ORC3: variants seen among roughly 807,000 people sequenced by gnomAD.
The protein encoded by ORC3 is origin recognition complex subunit 3.
Under a neutral mutation model 100.7 loss-of-function variants are expected in ORC3, and 78 were observed. The ratio of observed to expected loss-of-function variants is 0.77; its 90% CI spans 0.65 to 0.94. The LOEUF is 0.94. Among genes scored for constraint, ORC3 ranks in the 40% least tolerant of loss-of-function variants. ORC3 has a pLI of 0.00. For missense variants in ORC3, 789 were observed against 823.9 expected, an observed-to-expected ratio of 0.96 and a Z score of 0.52; for synonymous variants, 295 against 289.3, an observed-to-expected ratio of 1.02 and a Z score of -0.20.
chr6:87,598,213 G>A (rs1378047600), intron 2 of ORC3, among the ~76,000 whole-genome samples: 2 of 151,604 alleles, frequency 1.3e-5, no homozygotes, highest in Non-Finnish European at 2.9e-5. Flanking sequence ...TTTTTAAGGT[G>A]AGATCTCACT....
At chr6:87,670,581 C>G (rs1393020711), downstream of ORC3, among the ~76,000 whole-genome samples, 1 of 152,150 alleles carries the variant, frequency 6.6e-6, no homozygotes, top group East Asian at 1.9e-4. Flanking sequence ...CTATGAAATG[C>G]CAGTTCAATT....
chr6:87,624,050 C>T (rs1299145089), intron 11 of ORC3, among the ~76,000 whole-genome samples: 1 of 152,098 alleles, frequency 6.6e-6, no homozygotes, highest in African/African-American at 2.4e-5. Flanking sequence ...AAATTACATA[C>T]TTTGTCATAT....
At position 87,603,423 on chromosome 6, in the gene ORC3, C is replaced by A; in HGVS notation, c.217C>A (p.Leu73Met). ...ATTAAATAAAAACTTGTTTGACAAT[C>A]TGATTGAATTTCTGCAAAAATCACA... Reference protein sequence around the residue: ...EELNKNLFDNLIEFLQKSHSG... With the variant: ...EELNKNLFDNMIEFLQKSHSG... The change falls in exon 4 of 20, where the codon CTG becomes ATG. Residue 73 changes from leucine to methionine, a missense_variant. Transcript: ENST00000392844. 1 of 1,529,032 alleles carries A rather than the reference C, an allele frequency of 6.5e-7. No individual in the cohort carries two copies. The highest frequency in any genetic ancestry group is 8.9e-7 in the Non-Finnish European group (1 of 1,119,424). The allele number at this position is 1,529,032 out of a possible 1,614,324, so 94.7% of individuals were successfully genotyped here.
intron 2 of ORC3, chr6:87,594,642 G>A: frequency 2.2e-6 from 2 of 929,340 alleles, no homozygotes; most frequent in Non-Finnish European, 2.8e-6. Context: ...TCCTTCAAAG[G>A]ATATGCTGCT....
At chr6:87,644,478 A>G (rs927725689) in intron 13 of ORC3, among the ~76,000 whole-genome samples, 7 of 151,984 alleles carry the variant, frequency 4.6e-5, no homozygotes, top group African/African-American at 1.7e-4. Context: ...AGGCTGAGGC[A>G]GGAGGATCAC....
intron 8 of ORC3, among the ~76,000 whole-genome samples, chr6:87,614,342 A>G (rs1779001643): frequency 6.6e-6 from 1 of 152,178 alleles, no homozygotes; most frequent in African/African-American, 2.4e-5. Context: ...AGCCCGTGAA[A>G]TCGCTTTTGC....
intron 13 of ORC3, among the ~76,000 whole-genome samples, chr6:87,646,680 T>C (rs372305709): frequency 4.5e-4 from 68 of 152,346 alleles, no homozygotes; most frequent in African/African-American, 1.5e-3. Flanking sequence ...TCTAGGACTT[T>C]CTTGGTTTTT....
downstream of ORC3, among the ~76,000 whole-genome samples, chr6:87,670,093 A>G (rs9444532): frequency 6.6e-6 from 1 of 152,042 alleles, no homozygotes; most frequent in Non-Finnish European, 1.5e-5. Flanking sequence ...AATTTATCCA[A>G]CATAAACGCA....
chr6:87,670,136 C>T (rs1770802857), downstream of ORC3, among the ~76,000 whole-genome samples: 1 of 152,224 alleles, frequency 6.6e-6, no homozygotes, highest in African/African-American at 2.4e-5. Flanking sequence ...ACTTTCCTCA[C>T]TAAAGATTAT....
intron 13 of ORC3, among the ~76,000 whole-genome samples, chr6:87,648,030 T>A (rs919161209): frequency 9.2e-5 from 14 of 152,060 alleles, no homozygotes; most frequent in Non-Finnish European, 1.8e-4. Context: ...TAAAACCGCC[T>A]GTCTACTAAA....
chr6:87,605,382 G>T (rs1778253410), intron 4 of ORC3, among the ~76,000 whole-genome samples: 1 of 152,242 alleles, frequency 6.6e-6, no homozygotes. Flanking sequence ...TGGGCACAGT[G>T]GCTCACGCCT....
downstream of ORC3, among the ~76,000 whole-genome samples, chr6:87,671,384 G>A (rs1003045152): frequency 2.0e-5 from 3 of 152,104 alleles, no homozygotes; most frequent in Admixed American, 6.6e-5. Context: ...AACAAAGAAT[G>A]GAGTGGCCAT....
In ORC3 at chr6:87,603,438, CA is replaced by C; in HGVS notation, c.237del (p.Lys79AsnfsTer17). On this transcript the variant is annotated frameshift_variant, in exon 4 of 20. Transcript: ENST00000392844. LOFTEE classifies it high-confidence loss of function. ...GTTTGACAATCTGATTGAATTTCTG[CA>C]AAAATCACATTCTGGATTCCAGAAG... Reference protein sequence around the residue: ...NLFDNLIEFLQKSHSGFQKNS... With the variant: ...NLFDNLIEFLXKSHSGFQKNS... The C allele has an allele frequency of 6.5e-7, 1 of 1,530,780 alleles. No individual in the cohort carries two copies. Among genetic ancestry groups the C allele is most frequent in the Non-Finnish European group, 8.9e-7 (1 of 1,121,400 alleles). The allele number at this position is 1,530,780 out of a possible 1,614,324, so 94.8% of individuals were successfully genotyped here. A position where few individuals can be genotyped will look rare whatever the true frequency, so the allele number is the denominator to read the frequency against.
intron 13 of ORC3, chr6:87,650,797 C>T (rs1321493204): frequency 5.4e-6 from 1 of 184,992 alleles, no homozygotes; most frequent in Middle Eastern, 2.4e-3. Flanking sequence ...CACCTGAGGT[C>T]AGGAGTTCGA....
At chr6:87,590,265 G>T in intron 1 of ORC3, 73 bp downstream of exon 1, 1 of 1,474,592 alleles carries the variant, frequency 6.8e-7, no homozygotes, top group Non-Finnish European at 9.5e-7. Flanking sequence ...TGAAGCCGAG[G>T]TTACGTAGGC....
At chr6:87,649,488 C>A (rs1446537011) in intron 13 of ORC3, among the ~76,000 whole-genome samples, 1 of 152,210 alleles carries the variant, frequency 6.6e-6, no homozygotes, top group East Asian at 1.9e-4. Flanking sequence ...TGGCTCACAC[C>A]TGTAATCCCA....
intron 4 of ORC3, 108 bp downstream of exon 4, chr6:87,603,636 GTC>G (rs1778131266): frequency 1.7e-6 from 1 of 575,004 alleles, no homozygotes. Flanking sequence ...AGCCTATTTT[GTC>G]TCTCTTATTT....
At chr6:87,668,578 A>G (rs1159760096), downstream of ORC3, among the ~76,000 whole-genome samples, 1 of 152,196 alleles carries the variant, frequency 6.6e-6, no homozygotes, top group East Asian at 1.9e-4. Context: ...AGGTATTAAT[A>G]TGAGCTTAGA....
At chr6:87,676,067 G>C in the ORC3 span, 1 of 658,572 alleles carries the variant, frequency 1.5e-6, no homozygotes, top group Non-Finnish European at 2.5e-6. Context: ...TACTAATAGT[G>C]TATCAAATAA....
Sources: allele counts gnomAD v4.1 joint callset (sites outside exome capture counted in the v4.1 genomes callset), GRCh38; gene constraint gnomAD v4.1.1; transcripts MANE v1.5; gene names NCBI Gene and HGNC (gene_info 2026-07-23, HGNC 2026-07-21).